The following CALN1 variants were observed in gnomAD, a reference collection of about 807,000 sequenced individuals.
CALN1 encodes the protein calcium-binding protein 8.
Under a neutral mutation model 30.6 loss-of-function variants are expected in CALN1, and 17 were observed. That is an observed-to-expected ratio of 0.56 (90% confidence interval 0.38 to 0.83). The LOEUF (loss-of-function observed/expected upper bound fraction) is 0.83. CALN1 is among the 40% of genes least tolerant of loss of function. CALN1 has a pLI of 0.00. For synonymous variants in CALN1, 156 were observed against 131.4 expected, an observed-to-expected ratio of 1.19 and a Z score of -1.28; for missense variants, 291 against 354.9, an observed-to-expected ratio of 0.82 and a Z score of 1.45.
chr7:72,029,448 A>G (rs898889524), intron 4 of CALN1, among the ~76,000 whole-genome samples: 2 of 151,400 alleles, frequency 1.3e-5, no homozygotes, highest in Admixed American at 1.3e-4. Flanking sequence ...CCTGGCCAGA[A>G]CTCCTAAATC....
chr7:72,155,081 A>G (rs116569318), intron 3 of CALN1, among the ~76,000 whole-genome samples: 4,821 of 152,108 alleles, frequency 0.032, 246 homozygotes, highest in African/African-American at 0.11. Context: ...TAATTAATTA[A>G]TTTTTAAAAA....
chr7:72,417,792 C>T (rs575426667), intron 1 of CALN1, among the ~76,000 whole-genome samples: 11 of 152,208 alleles, frequency 7.2e-5, no homozygotes, highest in African/African-American at 2.6e-4. Flanking sequence ...TTGAGGTAAT[C>T]GGTGCCATGC....
At chr7:72,312,337 G>A (rs922731672) in intron 2 of CALN1, among the ~76,000 whole-genome samples, 3 of 148,170 alleles carry the variant, frequency 2.0e-5, no homozygotes, top group Admixed American at 6.8e-5. Context: ...CCAGCAGGCA[G>A]AGGTTGCAGT....
chr7:72,040,494 A>C (rs1802059955), intron 4 of CALN1, among the ~76,000 whole-genome samples: 1 of 152,200 alleles, frequency 6.6e-6, no homozygotes, highest in East Asian at 1.9e-4. Context: ...CAAAAAATAA[A>C]TTAATTAAAT....
At chr7:72,486,361 C>A in the CALN1 span, among the ~76,000 whole-genome samples, 9 of 151,898 alleles carry the variant, frequency 5.9e-5, no homozygotes, top group Non-Finnish European at 1.3e-4. Flanking sequence ...ATATCATACC[C>A]TTTTTTACAA....
chr7:72,281,190 C>A (rs1242496406), intron 2 of CALN1, among the ~76,000 whole-genome samples: 2 of 151,732 alleles, frequency 1.3e-5, no homozygotes, highest in Non-Finnish European at 2.9e-5. Context: ...CTTTCATTCT[C>A]TCTCTAACAC....
rs372503766 is a variant in CALN1 at position 72,035,968 on chromosome 7, G to A, written c.389-12199C>T. On this transcript the variant is annotated intron_variant, in intron 4 of 6. Coordinates refer to ENST00000395275, the MANE Select transcript of CALN1 (RefSeq NM_031468.4). ...TTGCTTCATATGGCTTCAAGTTACTGTCTAGTGTCCGTAAATTTCAGCCTG... is the reference window on the plus strand; with the variant it reads ...TTGCTTCATATGGCTTCAAGTTACTATCTAGTGTCCGTAAATTTCAGCCTG... 2.4e-3 allele frequency among the ~76,000 whole-genome samples: 366 copies of A among 152,266 alleles called. 18 individuals are homozygous for A. The South Asian group carries it at 0.073, about 30-fold the overall frequency.
At chr7:72,384,692 A>T (rs2944830) in intron 2 of CALN1, among the ~76,000 whole-genome samples, 49,454 of 152,018 alleles carry the variant, frequency 0.33, 9,780 homozygotes, top group Middle Eastern at 0.5. Context: ...TTAATGCAAA[A>T]CACAAAACTA....
chr7:72,399,355 C>T (rs1366994907), intron 2 of CALN1, among the ~76,000 whole-genome samples: 7 of 147,126 alleles, frequency 4.8e-5, no homozygotes, highest in Non-Finnish European at 1.0e-4. Flanking sequence ...ACTGCAACAT[C>T]CGCCTCCCAG....
chr7:72,356,309 T>C lies in CALN1; in HGVS notation c.119+46942A>G, dbSNP rs1033361193. Among the ~76,000 whole-genome samples, 88 of 150,322 alleles carry C rather than the reference T, an allele frequency of 5.9e-4. 1 individual carries two copies. Among genetic ancestry groups the C allele is most frequent in the African/African-American group, 2.1e-3 (83 of 39,998 alleles). On this transcript the variant is annotated intron_variant, in intron 2 of 6. Transcript: ENST00000395275. ...GAATAACTATTGTATTTTAATCTAA[T>C]AATAATAAATGCTAATAATGTTTGG...
intron 3 of CALN1, among the ~76,000 whole-genome samples, chr7:72,220,034 AT>A (rs1026508850): frequency 6.0e-4 from 91 of 151,826 alleles, no homozygotes; most frequent in African/African-American, 1.9e-3. Context: ...TTTTTTTATA[AT>A]TTTTTTTGTT....
intron 5 of CALN1, among the ~76,000 whole-genome samples, chr7:71,824,220 T>C (rs145124291): frequency 2.7e-4 from 41 of 151,936 alleles, no homozygotes; most frequent in Middle Eastern, 3.4e-3. Flanking sequence ...GCAGAATACA[T>C]GTTTTCTGAA....
intron 5 of CALN1, among the ~76,000 whole-genome samples, chr7:71,867,000 C>A (rs894952254): frequency 1.3e-5 from 2 of 151,920 alleles, no homozygotes; most frequent in African/African-American, 4.8e-5. Context: ...CAAAAATTAG[C>A]CAGGGGTGGT....
chr7:72,333,818 A>C (rs1801830600), intron 2 of CALN1, among the ~76,000 whole-genome samples: 1 of 152,154 alleles, frequency 6.6e-6, no homozygotes, highest in African/African-American at 2.4e-5. Flanking sequence ...AACTGCACAG[A>C]CACAGCTCCT....
chr7:71,891,885 A>G (rs771757042), intron 5 of CALN1, among the ~76,000 whole-genome samples: 5 of 152,202 alleles, frequency 3.3e-5, no homozygotes, highest in African/African-American at 4.8e-5. Context: ...CAGAGGTTGC[A>G]GTGAACCAAG....
chr7:72,403,897 T>C (rs1251378258), intron 1 of CALN1, among the ~76,000 whole-genome samples: 1 of 152,228 alleles, frequency 6.6e-6, no homozygotes, highest in Admixed American at 6.5e-5. Context: ...TGAAGGACTC[T>C]GGCCCAGCCT....
intron 1 of CALN1, among the ~76,000 whole-genome samples, chr7:72,429,085 C>T (rs1209192244): frequency 6.6e-6 from 1 of 152,138 alleles, no homozygotes; most frequent in East Asian, 1.9e-4. Context: ...CCAACAGAAC[C>T]CTTAGTCTGC....
At chr7:72,345,809 C>T (rs1802613541) in intron 2 of CALN1, among the ~76,000 whole-genome samples, 1 of 152,188 alleles carries the variant, frequency 6.6e-6, no homozygotes. Context: ...CAAAAATGAT[C>T]TTTACGTACC....
intron 5 of CALN1, among the ~76,000 whole-genome samples, chr7:71,904,676 A>C (rs547385356): frequency 2.0e-4 from 31 of 152,342 alleles, no homozygotes; most frequent in African/African-American, 6.7e-4. Flanking sequence ...TTCTAAAAAA[A>C]TGCTGAGTGG....
Sources: allele counts gnomAD v4.1 joint callset (sites outside exome capture counted in the v4.1 genomes callset), GRCh38; gene constraint gnomAD v4.1.1; transcripts MANE v1.5; gene names NCBI Gene and HGNC (gene_info 2026-07-23, HGNC 2026-07-21).